The following KCNMA1 variants were observed in gnomAD, a reference collection of about 807,000 sequenced individuals.
The protein encoded by KCNMA1 is potassium calcium-activated channel subfamily M alpha 1.
KCNMA1 carries 29 observed loss-of-function variants against 140.0 expected under a neutral mutation model. That is an observed-to-expected ratio of 0.21 (90% confidence interval 0.15 to 0.28). KCNMA1 has a LOEUF of 0.28. Among genes scored for constraint, KCNMA1 ranks in the 10% least tolerant of loss-of-function variants. The pLI is 1.00. For synonymous variants in KCNMA1, 612 were observed against 611.9 expected, an observed-to-expected ratio of 1.00 and a Z score of 0.00; for missense variants, 880 against 1,602.2, an observed-to-expected ratio of 0.55 and a Z score of 7.70.
chr10:77,023,795 C>T (rs1008862181), intron 16 of KCNMA1, among the ~76,000 whole-genome samples: 2 of 152,144 alleles, frequency 1.3e-5, no homozygotes, highest in South Asian at 4.1e-4. Context: ...GCTGGAGTCC[C>T]ACACAACTAG....
intron 1 of KCNMA1, among the ~76,000 whole-genome samples, chr10:77,425,998 G>C (rs1217551652): frequency 1.3e-5 from 2 of 152,184 alleles, no homozygotes; most frequent in African/African-American, 2.4e-5. Flanking sequence ...AGGCCAAAGA[G>C]GGACTGTGTC....
intron 9 of KCNMA1, among the ~76,000 whole-genome samples, chr10:77,093,659 C>T (rs1001712737): frequency 6.6e-6 from 1 of 152,090 alleles, no homozygotes; most frequent in African/African-American, 2.4e-5. Flanking sequence ...TTTGAAGATT[C>T]TAGGGCCATA....
chr10:77,522,614 G>A (rs1262498965), intron 1 of KCNMA1, among the ~76,000 whole-genome samples: 2 of 152,202 alleles, frequency 1.3e-5, no homozygotes, highest in Non-Finnish European at 2.9e-5. Flanking sequence ...AGCTGGCAGG[G>A]GGGCCGGATA....
intron 14 of KCNMA1, among the ~76,000 whole-genome samples, chr10:77,056,488 C>A (rs1177970266): frequency 6.6e-6 from 1 of 151,794 alleles, no homozygotes; most frequent in Non-Finnish European, 1.5e-5. Context: ...AAACAAGAAT[C>A]AGAGTTTCAT....
At chr10:77,332,511 C>T (rs1312802611) in intron 2 of KCNMA1, among the ~76,000 whole-genome samples, 2 of 152,150 alleles carry the variant, frequency 1.3e-5, no homozygotes, top group African/African-American at 2.4e-5. Flanking sequence ...ATGCACAGAC[C>T]AGAAACCCCA....
intron 3 of KCNMA1, among the ~76,000 whole-genome samples, chr10:77,206,626 C>A (rs1272873187): frequency 6.6e-6 from 1 of 152,166 alleles, no homozygotes; most frequent in Non-Finnish European, 1.5e-5. Context: ...GTTTCTTCAA[C>A]TGTCCAAGTT....
At chr10:77,051,204 G>A (rs1050275108) in intron 14 of KCNMA1, among the ~76,000 whole-genome samples, 1 of 152,180 alleles carries the variant, frequency 6.6e-6, no homozygotes, top group African/African-American at 2.4e-5. Flanking sequence ...CTGTTTTAGT[G>A]ACAGCAGATT....
chr10:77,387,898 G>T (rs1478157209), intron 2 of KCNMA1, among the ~76,000 whole-genome samples: 1 of 152,150 alleles, frequency 6.6e-6, no homozygotes, highest in Non-Finnish European at 1.5e-5. Flanking sequence ...GATTACAGAC[G>T]TGAGCCACTG....
chr10:77,602,311 A>G (rs1468499173), intron 1 of KCNMA1, among the ~76,000 whole-genome samples: 1 of 152,138 alleles, frequency 6.6e-6, no homozygotes, highest in African/African-American at 2.4e-5. Context: ...CAGAAAGGCC[A>G]CCTATTGTAT....
intron 12 of KCNMA1, among the ~76,000 whole-genome samples, chr10:77,083,851 G>A (rs1012749887): frequency 5.3e-5 from 8 of 151,560 alleles, no homozygotes; most frequent in Middle Eastern, 3.4e-3. Context: ...AAAAAACGGG[G>A]GGGGGTTGGG....
chr10:77,370,548 C>A (rs958227564), intron 2 of KCNMA1, among the ~76,000 whole-genome samples: 1 of 152,158 alleles, frequency 6.6e-6, no homozygotes, highest in Non-Finnish European at 1.5e-5. Context: ...ATCCAAAGAC[C>A]TTTAGAATAA....
At chr10:77,597,474 T>C (rs1196297861) in intron 1 of KCNMA1, among the ~76,000 whole-genome samples, 2 of 152,110 alleles carry the variant, frequency 1.3e-5, no homozygotes, top group Non-Finnish European at 2.9e-5. Context: ...ATATCACACA[T>C]ACCCCATAAA....
intron 25 of KCNMA1, among the ~76,000 whole-genome samples, chr10:76,892,196 G>C (rs966461744): frequency 3.9e-5 from 6 of 152,110 alleles, no homozygotes; most frequent in Non-Finnish European, 7.3e-5. Flanking sequence ...AATGCCACAC[G>C]CTTAACGATT....
chr10:76,903,850 T>G (rs2046628360), intron 25 of KCNMA1: 1 of 152,118 alleles, frequency 6.6e-6, no homozygotes, highest in Non-Finnish European at 1.5e-5. Flanking sequence ...TGATATAACT[T>G]CGTTTCTGGC....
chr10:76,883,177 C>T (rs1292024951), downstream of KCNMA1, among the ~76,000 whole-genome samples: 2 of 152,088 alleles, frequency 1.3e-5, no homozygotes, highest in South Asian at 4.1e-4. Flanking sequence ...GCCATGTGAC[C>T]AGCTTGAGAA....
chr10:77,073,061 C>A, intron 14 of KCNMA1, 36 bp downstream of exon 14: 1 of 1,604,168 alleles, frequency 6.2e-7, no homozygotes. Flanking sequence ...CAAATGGAAT[C>A]CCGAGCTAAT....
intron 1 of KCNMA1, among the ~76,000 whole-genome samples, chr10:77,566,302 T>C (rs975715769): frequency 1.3e-5 from 2 of 152,172 alleles, no homozygotes; most frequent in African/African-American, 4.8e-5. Flanking sequence ...CTCCCTGGTC[T>C]CCCAGGGATC....
At chr10:77,341,274 C>T (rs1188809024) in intron 2 of KCNMA1, among the ~76,000 whole-genome samples, 6 of 152,216 alleles carry the variant, frequency 3.9e-5, no homozygotes, top group African/African-American at 9.6e-5. Flanking sequence ...CTTCTCAATA[C>T]GTGTTAGCTG....
Position 77,213,669 on chromosome 10 carries a change from A to G in KCNMA1, c.603-28753T>C, listed in dbSNP as rs534617396. Among the ~76,000 whole-genome samples the G allele has an allele frequency of 5.3e-5, 8 of 152,290 alleles. No individual in the cohort carries two copies. The East Asian group carries it at 1.5e-3, about 29-fold the overall frequency. On this transcript the variant is annotated intron_variant, in intron 3 of 27. Coordinates refer to ENST00000286628, the MANE Select transcript of KCNMA1 (RefSeq NM_001161352.2). ...CTCCAGTCATCTTAATCACCAGGAC[A>G]TAGACCAACCACCAGAAGTGCTGGC...
Sources: allele counts gnomAD v4.1 joint callset (sites outside exome capture counted in the v4.1 genomes callset), GRCh38; gene constraint gnomAD v4.1.1; transcripts MANE v1.5; gene names NCBI Gene and HGNC (gene_info 2026-07-23, HGNC 2026-07-21).